ABTB3: variants seen among roughly 807,000 people sequenced by gnomAD.
The protein encoded by ABTB3 is ankyrin repeat- and BTB/POZ domain-containing protein 3.
the ABTB3 span, among the ~76,000 whole-genome samples, chr12:107,558,092 G>C: frequency 6.6e-6 from 1 of 152,216 alleles, no homozygotes; most frequent in Non-Finnish European, 1.5e-5. Flanking sequence ...CCAGCCATTT[G>C]AGGATTGGAA....
chr12:107,547,145 G>C, the ABTB3 span, among the ~76,000 whole-genome samples: 1 of 148,824 alleles, frequency 6.7e-6, no homozygotes, highest in Non-Finnish European at 1.5e-5. Context: ...AGTGAGCTGA[G>C]ATTGCACCAC....
At chr12:107,656,294 C>T in the ABTB3 span, among the ~76,000 whole-genome samples, 1 of 122,638 alleles carries the variant, frequency 8.2e-6, no homozygotes, top group East Asian at 3.3e-4. Context: ...GAGTGAGGCT[C>T]TGTCAAAAAA....
chr12:107,429,584 C>T, the ABTB3 span, among the ~76,000 whole-genome samples: 1 of 152,192 alleles, frequency 6.6e-6, no homozygotes, highest in Non-Finnish European at 1.5e-5. Context: ...TGCACAGAAG[C>T]TGCTGATTCT....
chr12:107,472,648 G>A, the ABTB3 span, among the ~76,000 whole-genome samples: 9 of 152,194 alleles, frequency 5.9e-5, no homozygotes, highest in Non-Finnish European at 1.3e-4. Context: ...TACAAACATA[G>A]TGAGTGATGT....
the ABTB3 span, among the ~76,000 whole-genome samples, chr12:107,592,293 A>G: frequency 6.6e-6 from 1 of 152,244 alleles, no homozygotes; most frequent in Admixed American, 6.5e-5. Flanking sequence ...ATTCAAGCAA[A>G]GATGTAGAAT....
At chr12:107,633,828 C>T in the ABTB3 span, among the ~76,000 whole-genome samples, 6 of 152,294 alleles carry the variant, frequency 3.9e-5, no homozygotes, top group South Asian at 2.1e-4. Flanking sequence ...TTTGTTAATA[C>T]GCAGATGCCT....
chr12:107,612,813 G>A, the ABTB3 span: 1 of 1,613,884 alleles, frequency 6.2e-7, no homozygotes, highest in South Asian at 1.1e-5. Flanking sequence ...CTGCGTCCGT[G>A]GGGACGAGGC....
At chr12:107,543,288 G>A in the ABTB3 span, among the ~76,000 whole-genome samples, 1 of 145,154 alleles carries the variant, frequency 6.9e-6, no homozygotes, top group Admixed American at 7.1e-5. Context: ...GCAGTGAGTG[G>A]AGATCATGCC....
chr12:107,547,394 T>C, the ABTB3 span, among the ~76,000 whole-genome samples: 1 of 152,216 alleles, frequency 6.6e-6, no homozygotes, highest in African/African-American at 2.4e-5. Context: ...GCTCCCATTA[T>C]ACTTTCTATT....
At chr12:107,564,693 T>C in the ABTB3 span, among the ~76,000 whole-genome samples, 1 of 152,204 alleles carries the variant, frequency 6.6e-6, no homozygotes, top group South Asian at 2.1e-4. Context: ...GTCCTGGGTA[T>C]TAAAGAACGG....
At chr12:107,374,617 A>G in the ABTB3 span, 8 of 152,238 alleles carry the variant, frequency 5.3e-5, no homozygotes, top group African/African-American at 1.9e-4. Flanking sequence ...ATATACATAA[A>G]GTGAACCCCA....
At chr12:107,544,004 C>T in the ABTB3 span, 1 of 1,613,880 alleles carries the variant, frequency 6.2e-7, no homozygotes, top group African/African-American at 1.3e-5. Flanking sequence ...AATGGCACCC[C>T]CCTGCACCAC....
the ABTB3 span, among the ~76,000 whole-genome samples, chr12:107,420,906 A>G: frequency 6.6e-6 from 1 of 152,010 alleles, no homozygotes; most frequent in Non-Finnish European, 1.5e-5. Flanking sequence ...CCTGCCCCTA[A>G]ATGTAGGTAT....
the ABTB3 span, chr12:107,318,639 C>A: frequency 2.8e-6 from 1 of 354,870 alleles, no homozygotes; most frequent in Non-Finnish European, 5.1e-6. Context: ...GGTCTAGACA[C>A]TTTTTATTTT....
chr12:107,426,515 C>T, the ABTB3 span, among the ~76,000 whole-genome samples: 1 of 152,206 alleles, frequency 6.6e-6, no homozygotes, highest in Admixed American at 6.5e-5. Context: ...CCCGACTCCT[C>T]TCCCCTTCCT....
the ABTB3 span, among the ~76,000 whole-genome samples, chr12:107,595,945 A>G: frequency 6.6e-6 from 1 of 152,024 alleles, no homozygotes; most frequent in South Asian, 2.1e-4. Context: ...ATGTGTATAT[A>G]TACGTATATT....
the ABTB3 span, among the ~76,000 whole-genome samples, chr12:107,394,162 G>A: frequency 6.6e-6 from 1 of 152,120 alleles, no homozygotes; most frequent in Admixed American, 6.5e-5. Flanking sequence ...CAGGTAACAT[G>A]CACACATCAT....
the ABTB3 span, among the ~76,000 whole-genome samples, chr12:107,636,093 T>C: frequency 6.6e-6 from 1 of 152,116 alleles, no homozygotes; most frequent in Non-Finnish European, 1.5e-5. Context: ...CAGTACATTA[T>C]GGCTGCAATA....
At chr12:107,351,248 T>A in the ABTB3 span, among the ~76,000 whole-genome samples, 3 of 152,168 alleles carry the variant, frequency 2.0e-5, no homozygotes, top group African/African-American at 7.2e-5. Flanking sequence ...ATTTTACATA[T>A]TGTAGACCCA....
Sources: gnomAD v4.1 joint callset for allele counts (sites outside exome capture counted in the v4.1 genomes callset) on GRCh38, gnomAD v4.1.1 for gene constraint, MANE v1.5 for transcripts, NCBI Gene and HGNC (gene_info 2026-07-23, HGNC 2026-07-21) for gene names.